DYNC2H1: variants seen among roughly 807,000 people sequenced by gnomAD.
DYNC2H1 encodes the protein dynein cytoplasmic 2 heavy chain 1.
A neutral mutation model predicts 570.0 loss-of-function variants in DYNC2H1; 410 were observed. The observed-to-expected ratio is 0.72, with a 90% CI of 0.66 to 0.78. The LOEUF (loss-of-function observed/expected upper bound fraction) is 0.78. Ranked by LOEUF, DYNC2H1 falls within the 30% of genes least tolerant of loss-of-function variation. The pLI is 0.00. For missense variants in DYNC2H1, 4,865 were observed against 5,046.4 expected, an observed-to-expected ratio of 0.96 and a Z score of 1.09; for synonymous variants, 1,688 against 1,677.6, an observed-to-expected ratio of 1.01 and a Z score of -0.15.
intron 11 of DYNC2H1, 139 bp downstream of exon 11, chr11:103,123,139 C>A: frequency 1.6e-6 from 1 of 622,560 alleles, no homozygotes; most frequent in Non-Finnish European, 2.3e-6. Context: ...TGTTTTTGAT[C>A]ATCAACTTTT....
chr11:103,205,376 G>T lies in DYNC2H1; in HGVS notation c.8454+412G>T, dbSNP rs1488100809. Among the ~76,000 whole-genome samples, 1 of 152,108 alleles carries T rather than the reference G, an allele frequency of 6.6e-6. No homozygotes were observed. Among genetic ancestry groups the T allele is most frequent in the East Asian group, 1.9e-4 (1 of 5,198 alleles). ...ACTCATAACACTATCTTAACTGGAA[G>T]CCTCTTATTTTACCTCATTTGAATA... On this transcript the variant is annotated intron_variant, in intron 52 of 88. Coordinates refer to ENST00000375735, the MANE Select transcript of DYNC2H1 (RefSeq NM_001377.3). The surrounding 1 kb of genome is among the most constrained non-coding windows in gnomAD (Gnocchi z 4.5).
chr11:103,391,915 G>A (rs1031966334), intron 83 of DYNC2H1, among the ~76,000 whole-genome samples: 1 of 150,890 alleles, frequency 6.6e-6, no homozygotes, highest in African/African-American at 2.4e-5. Context: ...CTACTGGGGG[G>A]TGCCTCCCAG....
chr11:103,350,354 CTG>C (rs528442001), intron 82 of DYNC2H1, among the ~76,000 whole-genome samples: 164 of 151,864 alleles, frequency 1.1e-3, no homozygotes, highest in African/African-American at 3.8e-3. Context: ...TCTGAGAAAA[CTG>C]ATGATTTAGT....
At chr11:103,302,320 T>C (rs1867082741) in intron 75 of DYNC2H1, among the ~76,000 whole-genome samples, 1 of 152,086 alleles carries the variant, frequency 6.6e-6, no homozygotes, top group African/African-American at 2.4e-5. Context: ...TTAAATAAAC[T>C]ACCCAGTATA....
At chr11:103,265,727 G>A (rs1362950845) in intron 70 of DYNC2H1, among the ~76,000 whole-genome samples, 1 of 152,192 alleles carries the variant, frequency 6.6e-6, no homozygotes, top group Non-Finnish European at 1.5e-5. Context: ...TTGTTTGGAG[G>A]AAAGAAGGCA....
At position 103,220,707 on chromosome 11, in the gene DYNC2H1, G is replaced by T. The variant is rs754683871; in HGVS notation, c.9031G>T (p.Asp3011Tyr). Reference protein sequence around the residue: ...SEIRSLRMPPDVIRDILEGVL... With the variant: ...SEIRSLRMPPYVIRDILEGVL... Reference sequence around the variant, plus strand: ...AATTCGCTCACTACGCATGCCACCTGATGTAATTAGAGATATTCTTGAAGG... The same window carrying T: ...AATTCGCTCACTACGCATGCCACCTTATGTAATTAGAGATATTCTTGAAGG... Residue 3011 changes from aspartate (D) to tyrosine (Y), a missense_variant, in exon 57 of 89, where the codon GAT (aspartate) becomes TAT (tyrosine). Physicochemically the swap from Asp to Tyr is radical, Grantham distance 160. Around this residue, in one of 5 missense-constraint regions of DYNC2H1, gnomAD observed 2,401 missense variants for 2,454.6 expected, o/e 0.98. Transcript: ENST00000375735. 6.2e-7 allele frequency: 1 copy of T among 1,613,122 alleles called. No individual in the cohort carries two copies. The highest frequency in any genetic ancestry group is 8.5e-7 in the Non-Finnish European group (1 of 1,179,360).
intron 83 of DYNC2H1, among the ~76,000 whole-genome samples, chr11:103,362,615 C>A (rs12221730): frequency 0.17 from 26,171 of 152,114 alleles, 2,665 homozygotes; most frequent in East Asian, 0.3. Context: ...TTCAATTAAT[C>A]AAGTTTCAGC....
intron 84 of DYNC2H1, among the ~76,000 whole-genome samples, chr11:103,427,393 GAT>G (rs1453772139): frequency 6.6e-6 from 1 of 152,180 alleles, no homozygotes; most frequent in East Asian, 1.9e-4. Flanking sequence ...CATACTTAAT[GAT>G]AAACTTACCT....
chr11:103,132,650 GT>G (rs1180588915), intron 13 of DYNC2H1, among the ~76,000 whole-genome samples: 221 of 3,198 alleles, frequency 0.069, 1 homozygote, highest in Middle Eastern at 0.21. Flanking sequence ...AGGGTTGGGG[GT>G]GTGTGTGTGT....
chr11:103,407,926 A>G (rs1166195256), intron 84 of DYNC2H1: 1 of 151,962 alleles, frequency 6.6e-6, no homozygotes, highest in Non-Finnish European at 1.5e-5. Flanking sequence ...ATCAGAACTG[A>G]TAATAGGATA....
rs543587638 is a variant in DYNC2H1 at position 103,446,983 on chromosome 11, T to G, written c.12457-8203T>G. ...CAAAAAGTAATTTTTAATAATCTTGTTTCCCATAGTGGTTCAGGTTCTGCA... is the reference window on the plus strand; with the variant it reads ...CAAAAAGTAATTTTTAATAATCTTGGTTCCCATAGTGGTTCAGGTTCTGCA... On this transcript the variant is annotated intron_variant, in intron 85 of 88. Coordinates refer to ENST00000375735, the MANE Select transcript of DYNC2H1 (RefSeq NM_001377.3). This position sits in a 1 kb window ranked among gnomAD's most constrained non-coding sequence, Gnocchi z 4.5. Among the ~76,000 whole-genome samples the G allele has an allele frequency of 1.7e-4, 26 of 152,162 alleles. No homozygotes were observed. Among genetic ancestry groups the G allele is most frequent in the Non-Finnish European group, 2.6e-4 (18 of 68,016 alleles).
Position 103,243,685 on chromosome 11 carries a change from T to TA in DYNC2H1, c.9820-7dup, listed in dbSNP as rs1864504200. On this transcript the variant is annotated splice_polypyrimidine_tract_variant and splice_region_variant and intron_variant, in intron 63 of 88. Transcript: ENST00000375735. The surrounding 1 kb of genome is among the most constrained non-coding windows in gnomAD (Gnocchi z 4.8). ...AAAAAACATTACTTTTCCTTTTTTT[T>TA]ATACTAGAGTCGAGTGTGCCCATTT... The TA allele has an allele frequency of 1.3e-6, 2 of 1,575,420 alleles. No homozygotes were observed. The highest frequency in any genetic ancestry group is 8.6e-7 in the Non-Finnish European group (1 of 1,156,784).
chr11:103,364,330 T>G (rs1940792501), intron 83 of DYNC2H1, among the ~76,000 whole-genome samples: 1 of 152,066 alleles, frequency 6.6e-6, no homozygotes, highest in Admixed American at 6.6e-5. Flanking sequence ...TTGATGATTT[T>G]TTTTTTTTTA....
chr11:103,476,264 G>C (rs1945543145), intron 88 of DYNC2H1, among the ~76,000 whole-genome samples: 1 of 151,854 alleles, frequency 6.6e-6, no homozygotes, highest in African/African-American at 2.4e-5. Context: ...TTTTTCTGAA[G>C]TTCAACTAAG....
At position 103,132,649 on chromosome 11, in the gene DYNC2H1, G is replaced by GGT. The variant is rs5794209; in HGVS notation, c.1954-880_1954-879dup. Among the ~76,000 whole-genome samples the GGT allele has an allele frequency of 4.4e-3, 659 of 148,586 alleles. 1 individual carries two copies. Among genetic ancestry groups the GGT allele is most frequent in the South Asian group, 0.013 (61 of 4,650 alleles). On this transcript the variant is annotated intron_variant, in intron 13 of 88. Transcript: ENST00000375735. ...CAGTCTCTTTGCTGAGAGGGTTGGG[G>GGT]GTGTGTGTGTGTGTGTGTGTGTGTG... is the stretch of plus-strand genomic sequence containing the variant.
At chr11:103,120,893 G>T in intron 8 of DYNC2H1, 32 bp from the exon 9 acceptor site, 1 of 1,299,008 alleles carries the variant, frequency 7.7e-7, no homozygotes, top group East Asian at 2.9e-5. Context: ...GATCCGTTGG[G>T]ATGAACATGT....
At chr11:103,451,978 T>C (rs1489726438) in intron 85 of DYNC2H1, among the ~76,000 whole-genome samples, 1 of 152,148 alleles carries the variant, frequency 6.6e-6, no homozygotes, top group Admixed American at 6.5e-5. Context: ...ATCTTTTTAA[T>C]GAAAGTCCAC....
intron 86 of DYNC2H1, among the ~76,000 whole-genome samples, chr11:103,455,535 T>A (rs1417511608): frequency 6.6e-6 from 1 of 152,176 alleles, no homozygotes; most frequent in Non-Finnish European, 1.5e-5. Context: ...TTTATAATTT[T>A]GATCATTTAT....
chr11:103,333,486 G>C (rs777195846), intron 82 of DYNC2H1, among the ~76,000 whole-genome samples: 14 of 152,070 alleles, frequency 9.2e-5, no homozygotes, highest in Non-Finnish European at 1.8e-4. Context: ...GGATGGTCTC[G>C]ATCTCCTGAC....
Sources: gnomAD v4.1 joint callset for allele counts (sites outside exome capture counted in the v4.1 genomes callset) on GRCh38, gnomAD v4.1.1 for gene constraint, gnomAD v4.1.1 regional missense constraint, Gnocchi (gnomAD v3.1) non-coding constraint, MANE v1.5 for transcripts, NCBI Gene and HGNC (gene_info 2026-07-23, HGNC 2026-07-21) for gene names.